Variants in PRKN observed in about 807,000 individuals in gnomAD.
The protein encoded by PRKN is E3 ubiquitin-protein ligase parkin.
A neutral mutation model predicts 59.5 loss-of-function variants in PRKN; 56 were observed. The ratio of observed to expected loss-of-function variants is 0.94; its 90% CI spans 0.76 to 1.18. The LOEUF (loss-of-function observed/expected upper bound fraction) is 1.18, where lower values mean the gene tolerates loss of function less well. Ranked by LOEUF, PRKN falls within the 50% of genes most tolerant of loss-of-function variation. The probability of loss-of-function intolerance (pLI) is 0.00; values close to 1 mark genes in which losing one functional copy is unlikely to be tolerated. For missense variants in PRKN, 657 were observed against 596.4 expected, an observed-to-expected ratio of 1.10 and a Z score of -1.06; for synonymous variants, 250 against 222.1, an observed-to-expected ratio of 1.13 and a Z score of -1.12.
At position 161,814,327 on chromosome 6, in the gene PRKN, C is replaced by A. The variant is rs559193001; in HGVS notation, c.735-28419G>T. 1.3e-3 allele frequency among the ~76,000 whole-genome samples: 205 copies of A among 152,320 alleles called. 5 individuals are homozygous for A. The South Asian group carries it at 0.041, about 31-fold the overall frequency. On this transcript the variant is annotated intron_variant, in intron 6 of 11. Transcript: ENST00000366898. Reference sequence around the variant, plus strand: ...GCATAACTCTTGGAAGTCAAATGTGCTGTGACCAAAGAGGTTTCTAAAGAG... The same window carrying A: ...GCATAACTCTTGGAAGTCAAATGTGATGTGACCAAAGAGGTTTCTAAAGAG...
At chr6:162,295,160 T>C (rs1052879737) in intron 2 of PRKN, among the ~76,000 whole-genome samples, 1 of 152,192 alleles carries the variant, frequency 6.6e-6, no homozygotes, top group East Asian at 1.9e-4. Context: ...GGCTTGTGCG[T>C]GACAACATCA....
At chr6:162,587,122 C>T (rs751090532) in intron 1 of PRKN, among the ~76,000 whole-genome samples, 6 of 152,076 alleles carry the variant, frequency 3.9e-5, no homozygotes, top group Non-Finnish European at 8.8e-5. Context: ...AACATAAGCA[C>T]ACAGTAGCAT....
At chr6:162,588,973 C>T (rs1159634291) in intron 1 of PRKN, among the ~76,000 whole-genome samples, 5 of 152,076 alleles carry the variant, frequency 3.3e-5, no homozygotes, top group Non-Finnish European at 1.5e-5. Flanking sequence ...GAGTGTGGAC[C>T]GGATGAAAGC....
chr6:161,808,896 G>C (rs925412740), intron 6 of PRKN, among the ~76,000 whole-genome samples: 1 of 152,052 alleles, frequency 6.6e-6, no homozygotes, highest in African/African-American at 2.4e-5. Context: ...GCTGGAGCGC[G>C]GTGGTGCGAT....
rs964369794 is a variant in PRKN, at chr6:161,576,868, T to C, written c.872-7452A>G. ...AGTGAAATGTATCAAAACAGGTAAA[T>C]CTCAAAATCATAAAGTTGAGAAAAA... On this transcript the variant is annotated intron_variant, in intron 7 of 11. Coordinates refer to ENST00000366898, the MANE Select transcript of PRKN (RefSeq NM_004562.3). The surrounding 1 kb of genome is among the most constrained non-coding windows in gnomAD (Gnocchi z 4.6). 1.3e-5 allele frequency among the ~76,000 whole-genome samples: 2 copies of C among 152,140 alleles called. No homozygotes were observed. Among genetic ancestry groups the C allele is most frequent in the African/African-American group, 4.8e-5 (2 of 41,424 alleles).
At chr6:161,860,693 T>G (rs779224884) in intron 6 of PRKN, among the ~76,000 whole-genome samples, 1 of 152,190 alleles carries the variant, frequency 6.6e-6, no homozygotes, top group African/African-American at 2.4e-5. Context: ...ATTCTGTAGG[T>G]TGCCTGTTCA....
intron 7 of PRKN, among the ~76,000 whole-genome samples, chr6:161,653,588 A>C (rs1325284391): frequency 6.6e-6 from 1 of 152,208 alleles, no homozygotes; most frequent in Non-Finnish European, 1.5e-5. Context: ...ACTTTGTTCC[A>C]CTAACTGCAA....
Position 161,457,902 on chromosome 6 carries a change from G to A in PRKN, c.1084-71025C>T, listed in dbSNP as rs577836942. Among the ~76,000 whole-genome samples, 22 of 152,268 alleles carry A rather than the reference G, an allele frequency of 1.4e-4. No individual in the cohort carries two copies. Among genetic ancestry groups the A allele is most frequent in the African/African-American group, 5.1e-4 (21 of 41,564 alleles). On this transcript the variant is annotated intron_variant, in intron 9 of 11. Transcript: ENST00000366898. The surrounding 1 kb of genome is among the most constrained non-coding windows in gnomAD (Gnocchi z 5.0). ...CTTTGTAGTTTTTTGGGAAAAGGAC[G>A]CCAATAATCAAAAGACCTGCAGAAA...
At chr6:161,929,517 CTTTTTTTT>C (rs759945931) in intron 6 of PRKN, among the ~76,000 whole-genome samples, 1 of 72,256 alleles carries the variant, frequency 1.4e-5, no homozygotes, top group East Asian at 3.9e-4. Context: ...AATTTCACCT[CTTTTTTTT>C]TTTTTTTTTT....
rs73595385 is a variant in PRKN at position 161,651,777 on chromosome 6, G to T, written c.872-82361C>A. Among the ~76,000 whole-genome samples the T allele has an allele frequency of 6.6e-3, 999 of 152,250 alleles. 8 individuals are homozygous for T. Among genetic ancestry groups the T allele is most frequent in the African/African-American group, 0.023 (950 of 41,546 alleles). ...TTGCAAAAAGTTTCTTGTCAAAAGA[G>T]ATTTCAGATGTCTCTATATACTGTT... On this transcript the variant is annotated intron_variant, in intron 7 of 11. Transcript: ENST00000366898.
In PRKN at chr6:162,717,356, G is replaced by A. The variant is rs564905366; in HGVS notation, c.7+10306C>T. 8.5e-5 allele frequency among the ~76,000 whole-genome samples: 13 copies of A among 152,092 alleles called. No individual in the cohort carries two copies. The South Asian group carries it at 2.7e-3, about 32-fold the overall frequency. On this transcript the variant is annotated intron_variant, in intron 1 of 11. Transcript: ENST00000366898. The stretch of plus-strand genomic sequence containing the variant: ...CTTTGGGAGACTGAGGTGGGAAGAT[G>A]ACTTGAGCCCAAGAGTTCAAGACTA...
chr6:161,774,382 G>GCACACACACACACACA (rs3220723), intron 7 of PRKN, among the ~76,000 whole-genome samples: 1 of 130,934 alleles, frequency 7.6e-6, no homozygotes, highest in African/African-American at 2.9e-5. Flanking sequence ...TACTCCCTGA[G>GCACACACACACACACA]CACACACACA....
chr6:162,282,324 A>G (rs1780943711), intron 2 of PRKN, among the ~76,000 whole-genome samples: 1 of 150,876 alleles, frequency 6.6e-6, no homozygotes, highest in African/African-American at 2.5e-5. Context: ...CAAGAAGAGT[A>G]TATTAAAAAA....
chr6:161,540,212 C>G (rs1179037102), intron 9 of PRKN, among the ~76,000 whole-genome samples: 1 of 152,146 alleles, frequency 6.6e-6, no homozygotes, highest in Non-Finnish European at 1.5e-5. Flanking sequence ...TTGTTATTAT[C>G]ATAATGCCCC....
chr6:162,274,818 A>G (rs1029009207), intron 2 of PRKN, among the ~76,000 whole-genome samples: 5 of 152,130 alleles, frequency 3.3e-5, no homozygotes, highest in African/African-American at 1.2e-4. Context: ...ACAGTGGCTC[A>G]CGCCTGTAAT....
intron 7 of PRKN, among the ~76,000 whole-genome samples, chr6:161,674,124 G>A (rs949374145): frequency 1.3e-5 from 2 of 152,034 alleles, no homozygotes; most frequent in Admixed American, 1.3e-4. Context: ...AGGGGGAGAA[G>A]GGGTCTAAGA....
rs549204157 is a variant in PRKN, at chr6:162,713,253, G to C, written c.7+14409C>G. 2.9e-3 allele frequency among the ~76,000 whole-genome samples: 448 copies of C among 152,290 alleles called. 6 individuals are homozygous for C. Among genetic ancestry groups the C allele is most frequent in the African/African-American group, 0.01 (422 of 41,566 alleles). ...CTCACGCCTGTAATCCCAGCACTTT[G>C]GGAGACCGAGGCGGGCGGATCACGA... On this transcript the variant is annotated intron_variant, in intron 1 of 11. Transcript: ENST00000366898.
At chr6:161,844,782 C>T (rs940569905) in intron 6 of PRKN, among the ~76,000 whole-genome samples, 4 of 152,220 alleles carry the variant, frequency 2.6e-5, no homozygotes, top group African/African-American at 7.2e-5. Context: ...ACCCCCACCC[C>T]GGAAGCAGAA....
At chr6:162,206,326 A>G (rs967625537) in intron 3 of PRKN, among the ~76,000 whole-genome samples, 1 of 152,086 alleles carries the variant, frequency 6.6e-6, no homozygotes, top group Non-Finnish European at 1.5e-5. Flanking sequence ...GACATCTAAG[A>G]GAAGGAAAGT....
Sources: allele counts gnomAD v4.1 joint callset (sites outside exome capture counted in the v4.1 genomes callset), GRCh38; gene constraint gnomAD v4.1.1; non-coding constraint Gnocchi (gnomAD v3.1); transcripts MANE v1.5; gene names NCBI Gene and HGNC (gene_info 2026-07-23, HGNC 2026-07-21).